DTNBP1: variants seen among roughly 807,000 people sequenced by gnomAD.
The protein encoded by DTNBP1 is dystrobrevin binding protein 1.
Under a neutral mutation model 42.8 loss-of-function variants are expected in DTNBP1, and 35 were observed. The observed-to-expected ratio is 0.82, with a 90% CI of 0.63 to 1.09. DTNBP1 has a LOEUF of 1.09. Among genes scored for constraint, DTNBP1 ranks in the 50% least tolerant of loss-of-function variants. DTNBP1 has a pLI of 0.00. For synonymous variants in DTNBP1, 171 were observed against 162.2 expected (o/e 1.05, Z -0.41); for missense variants, 457 against 424.2 (o/e 1.08, Z -0.68).
intron 3 of DTNBP1, among the ~76,000 whole-genome samples, chr6:15,643,120 A>G (rs1438851201): frequency 6.6e-6 from 1 of 152,248 alleles, no homozygotes. Flanking sequence ...AGAGAAACAA[A>G]TAGAACTGCT....
chr6:15,561,068 TACAC>T (rs1247592574), intron 7 of DTNBP1, among the ~76,000 whole-genome samples: 1 of 152,250 alleles, frequency 6.6e-6, no homozygotes, highest in Non-Finnish European at 1.5e-5. Context: ...ATAACTATAG[TACAC>T]CTGTTACTAG....
chr6:15,583,581 G>A (rs1561974011), intron 7 of DTNBP1, among the ~76,000 whole-genome samples: 1 of 152,190 alleles, frequency 6.6e-6, no homozygotes, highest in Non-Finnish European at 1.5e-5. Context: ...AAAGTCTCTT[G>A]TTAAGGCTGA....
chr6:15,657,137 A>C (rs62395004), intron 1 of DTNBP1, among the ~76,000 whole-genome samples: 18,000 of 152,184 alleles, frequency 0.12, 1,174 homozygotes, highest in African/African-American at 0.14. Flanking sequence ...TCAGGAAAGA[A>C]AGATGAATTT....
chr6:15,537,231 T>G (rs1561943259), intron 7 of DTNBP1, among the ~76,000 whole-genome samples: 1 of 151,980 alleles, frequency 6.6e-6, no homozygotes, highest in African/African-American at 2.4e-5. Flanking sequence ...CCAGCCTGAC[T>G]AACATGGTGG....
Position 15,587,455 on chromosome 6 carries a change from C to T in DTNBP1, c.511+5604G>A, listed in dbSNP as rs1015187415. ...GGACCTTAAATATTAAATAGTCAAA[C>T]CAATTTTAAAAAGTAGTAGGTTGGA... On this transcript the variant is annotated intron_variant, in intron 7 of 9. Coordinates refer to ENST00000344537, the MANE Select transcript of DTNBP1 (RefSeq NM_032122.5). This position sits in a 1 kb window ranked among gnomAD's most constrained non-coding sequence, Gnocchi z 4.1. Among the ~76,000 whole-genome samples, 17 of 152,090 alleles carry T rather than the reference C, an allele frequency of 1.1e-4. No homozygotes were observed. Among genetic ancestry groups the T allele is most frequent in the Non-Finnish European group, 1.2e-4 (8 of 68,022 alleles).
intron 7 of DTNBP1, 82 bp downstream of exon 7, chr6:15,592,977 A>C: frequency 7.6e-7 from 1 of 1,317,738 alleles, no homozygotes. Context: ...TTAAAAAATG[A>C]GTTTGTTCAT....
In DTNBP1 at chr6:15,639,781, T is replaced by C. The variant is rs576705917; in HGVS notation, c.162-1977A>G. 3.4e-4 allele frequency among the ~76,000 whole-genome samples: 52 copies of C among 152,388 alleles called. 1 individual carries two copies. The highest frequency in any genetic ancestry group is 8.3e-4 in the South Asian group (4 of 4,832). ...CCTAACAAACAAGAGACACATTAAA[T>C]GTCTGTTGAGTGAGGAAATAGACTA... On this transcript the variant is annotated intron_variant, in intron 3 of 9. Coordinates refer to ENST00000344537, the MANE Select transcript of DTNBP1 (RefSeq NM_032122.5).
At chr6:15,616,547 A>G (rs1173546061) in intron 5 of DTNBP1, among the ~76,000 whole-genome samples, 1 of 152,240 alleles carries the variant, frequency 6.6e-6, no homozygotes, top group African/African-American at 2.4e-5. Flanking sequence ...ACAGCGATCC[A>G]GTGGGGAAGG....
chr6:15,657,094 A>G (rs1320953057), intron 1 of DTNBP1, among the ~76,000 whole-genome samples: 1 of 152,196 alleles, frequency 6.6e-6, no homozygotes, highest in Non-Finnish European at 1.5e-5. Context: ...TAAGGTACAA[A>G]GCCTAAGAAA....
chr6:15,583,726 C>A lies in DTNBP1; in HGVS notation c.511+9333G>T, dbSNP rs368111854. Among the ~76,000 whole-genome samples the A allele has an allele frequency of 2.0e-4, 31 of 152,254 alleles. No individual in the cohort carries two copies. The East Asian group carries it at 2.5e-3, about 12-fold the overall frequency. ...AGAATAGCTGTATTTATTCATGATA[C>A]CAAACATTTATGATAGACAACAAAA... is the stretch of plus-strand genomic sequence containing the variant. On this transcript the variant is annotated intron_variant, in intron 7 of 9. Transcript: ENST00000344537.
At chr6:15,532,756 G>T (rs527288717) in intron 8 of DTNBP1, among the ~76,000 whole-genome samples, 1 of 133,570 alleles carries the variant, frequency 7.5e-6, no homozygotes, top group African/African-American at 2.8e-5. Flanking sequence ...CCGGAGTGCA[G>T]TGGTGCGATC....
Position 15,522,997 on chromosome 6 carries a change from C to G in DTNBP1, c.1034G>C (p.Gly345Ala). 3.1e-6 allele frequency: 5 copies of G among 1,614,252 alleles called. No individual in the cohort carries two copies. Among genetic ancestry groups the G allele is most frequent in the Non-Finnish European group, 4.2e-6 (5 of 1,180,052 alleles). Reference protein sequence around the residue: ...SHTDREATPDGGEDSDS With the variant: ...SHTDREATPDAGEDSDS ...AATTTAAGAGTCGCTGTCCTCACCA[C>G]CATCCGGAGTGGCCTCTCTGTCAGT... is the stretch of plus-strand genomic sequence containing the variant. Residue 345 changes from glycine (G) to alanine (A), a missense_variant, in exon 10 of 10, where the codon GGT becomes GCT. By Grantham distance (60) the Gly-to-Ala change is moderately conservative (BLOSUM62 0). Transcript: ENST00000344537.
chr6:15,626,724 T>C (rs1298154748), intron 5 of DTNBP1, among the ~76,000 whole-genome samples: 3 of 152,146 alleles, frequency 2.0e-5, no homozygotes, highest in Non-Finnish European at 4.4e-5. Flanking sequence ...GAGTATAAAT[T>C]TAGCCAAACA....
intron 7 of DTNBP1, chr6:15,585,718 C>T (rs1185706575): frequency 1.3e-5 from 20 of 1,535,054 alleles, no homozygotes; most frequent in Non-Finnish European, 1.7e-5. Context: ...GTTCCACCTA[C>T]AGGGATCCCT....
intron 6 of DTNBP1, among the ~76,000 whole-genome samples, chr6:15,612,462 T>G (rs1758462156): frequency 6.6e-6 from 1 of 152,248 alleles, no homozygotes; most frequent in Non-Finnish European, 1.5e-5. Context: ...CAATCACATT[T>G]CAACATATCT....
intron 7 of DTNBP1, among the ~76,000 whole-genome samples, chr6:15,547,854 C>T (rs936780936): frequency 6.6e-6 from 1 of 152,156 alleles, no homozygotes; most frequent in African/African-American, 2.4e-5. Flanking sequence ...TTTTCAGAGA[C>T]AACATACAGA....
Position 15,532,401 on chromosome 6 carries a change from A to G in DTNBP1, c.667+839T>C, listed in dbSNP as rs567597452. Among the ~76,000 whole-genome samples, 21 of 152,352 alleles carry G rather than the reference A, an allele frequency of 1.4e-4. 1 individual carries two copies. In the South Asian group the frequency reaches 4.1e-3, roughly 30 times the overall value. ...GTTCAGCTAGGAAAACTGGTGGAATATATTAGGATACATCATGACAAAAAG... is the reference window on the plus strand; with the variant it reads ...GTTCAGCTAGGAAAACTGGTGGAATGTATTAGGATACATCATGACAAAAAG... On this transcript the variant is annotated intron_variant, in intron 8 of 9. Transcript: ENST00000344537.
At chr6:15,580,310 T>C (rs1316025861) in intron 7 of DTNBP1, among the ~76,000 whole-genome samples, 1 of 152,134 alleles carries the variant, frequency 6.6e-6, no homozygotes, top group African/African-American at 2.4e-5. Context: ...GTCTATGAAA[T>C]AGATAAAGTC....
rs548168280 is a variant in DTNBP1, at chr6:15,577,914, T to C, written c.511+15145A>G. ...CCAAGTGTAGTTTTCCAAGATATTGTAGCCAACATAATTTGGGTGGTAATG... is the reference window on the plus strand; with the variant it reads ...CCAAGTGTAGTTTTCCAAGATATTGCAGCCAACATAATTTGGGTGGTAATG... On this transcript the variant is annotated intron_variant, in intron 7 of 9. Transcript: ENST00000344537. Among the ~76,000 whole-genome samples the C allele has an allele frequency of 1.7e-4, 26 of 152,222 alleles. 1 individual carries two copies. Among genetic ancestry groups the C allele is most frequent in the Non-Finnish European group, 3.4e-4 (23 of 68,030 alleles).
Sources: allele counts gnomAD v4.1 joint callset (sites outside exome capture counted in the v4.1 genomes callset), GRCh38; gene constraint gnomAD v4.1.1; non-coding constraint Gnocchi (gnomAD v3.1); transcripts MANE v1.5; gene names NCBI Gene and HGNC (gene_info 2026-07-23, HGNC 2026-07-21).